The following RNU12 variants were observed in gnomAD, a reference collection of about 807,000 sequenced individuals.
RNU12 encodes RNA, U12 small nuclear, also known as RNA, U12 small nuclear 1.
exon 1 of RNU12, chr22:42,615,363 T>C (rs1038921841): frequency 2.5e-5 from 4 of 157,278 alleles, no homozygotes; most frequent in African/African-American, 7.2e-5. Context: ...CCGCCTACTT[T>C]GCGGGATGCC....
chr22:42,615,352 C>T (rs189335696), exon 1 of RNU12: 51 of 158,504 alleles, frequency 3.2e-4, no homozygotes, highest in African/African-American at 4.6e-4. Flanking sequence ...CTCAAGGTGA[C>T]CCGCCTACTT....
chr22:42,615,297 C>A (rs549604353), exon 1 of RNU12: 1 of 205,200 alleles, frequency 4.9e-6, no homozygotes, highest in South Asian at 5.5e-5. Context: ...CGCCCGAATC[C>A]TCACTGCTAA....
rs371767313 is a variant in RNU12 at position 42,615,350 on chromosome 22, G to A, written n.107G>A. The A allele has an allele frequency of 1.1e-4, 17 of 159,504 alleles. No individual in the cohort carries two copies. In the East Asian group the frequency reaches 1.1e-3, roughly 11 times the overall value. The allele number at this position is 159,504 out of a possible 1,614,324, so 9.9% of individuals were successfully genotyped here. On this transcript the variant is annotated non_coding_transcript_exon_variant, in exon 1 of 1. Transcript: ENST00000362512. ...AGCGGGTAAAGGTCGCCCTCAAGGT[G>A]ACCCGCCTACTTTGCGGGATGCCTG...
chr22:42,615,298 T>A (rs1487875590), exon 1 of RNU12: 1 of 204,650 alleles, frequency 4.9e-6, no homozygotes, highest in Non-Finnish European at 1.0e-5. Flanking sequence ...GCCCGAATCC[T>A]CACTGCTAAT....
exon 1 of RNU12, chr22:42,615,369 A>T (rs550054770): frequency 1.3e-5 from 2 of 157,128 alleles, no homozygotes; most frequent in Admixed American, 6.5e-5. Flanking sequence ...ACTTTGCGGG[A>T]TGCCTGGGAG....
At chr22:42,615,381 T>G (rs1203292916) in exon 1 of RNU12, 1 of 156,990 alleles carries the variant, frequency 6.4e-6, no homozygotes, top group Non-Finnish European at 1.4e-5. Flanking sequence ...GCCTGGGAGT[T>G]GCGATCTGCC....
exon 1 of RNU12, chr22:42,615,291 C>CT (rs1230547704): frequency 5.4e-5 from 11 of 202,918 alleles, no homozygotes; most frequent in Non-Finnish European, 1.0e-5. Context: ...GGGTGACGCC[C>CT]GAATCCTCAC....
At chr22:42,615,248 C>T (rs755570010) in exon 1 of RNU12, 8 of 232,734 alleles carry the variant, frequency 3.4e-5, no homozygotes, top group African/African-American at 4.7e-5. Context: ...GTCCTTATGC[C>T]TTAAACTTAT....
At chr22:42,615,300 A>C (rs545886193) in exon 1 of RNU12, 7 of 193,784 alleles carry the variant, frequency 3.6e-5, no homozygotes, top group South Asian at 1.3e-4. Context: ...CCGAATCCTC[A>C]CTGCTAATGT....
chr22:42,615,299 C>T (rs189449022), exon 1 of RNU12: 48 of 203,882 alleles, frequency 2.4e-4, no homozygotes, highest in African/African-American at 8.4e-4. Context: ...CCCGAATCCT[C>T]ACTGCTAATG....
chr22:42,615,246 G>A (rs754377739), exon 1 of RNU12: 15 of 231,712 alleles, frequency 6.5e-5, no homozygotes, highest in Admixed American at 1.7e-4. Flanking sequence ...ACGTCCTTAT[G>A]CCTTAAACTT....
At chr22:42,615,287 C>T (rs184988997) in exon 1 of RNU12, 206 of 203,552 alleles carry the variant, frequency 1.0e-3, no homozygotes, top group African/African-American at 1.5e-3. Context: ...TTCGGGGTGA[C>T]GCCCGAATCC....
exon 1 of RNU12, chr22:42,615,348 G>A (rs780532355): frequency 2.9e-4 from 46 of 160,636 alleles, no homozygotes; most frequent in Admixed American, 4.5e-4. Context: ...CGCCCTCAAG[G>A]TGACCCGCCT....
chr22:42,615,338 C>T (rs565498114), exon 1 of RNU12: 80 of 168,344 alleles, frequency 4.8e-4, no homozygotes, highest in Middle Eastern at 3.0e-3. Context: ...GGGTAAAGGT[C>T]GCCCTCAAGG....
chr22:42,615,279 CG>C (rs778849559), exon 1 of RNU12: 6 of 200,066 alleles, frequency 3.0e-5, no homozygotes, highest in African/African-American at 1.4e-4. Context: ...AATAACGATT[CG>C]GGGTGACGCC....
In RNU12 at chr22:42,615,291, C is replaced by T. The variant is rs537872050; in HGVS notation, n.48C>T. 194 of 203,032 alleles carry T rather than the reference C, an allele frequency of 9.6e-4. 1 individual carries two copies. Among genetic ancestry groups the T allele is most frequent in the Middle Eastern group, 2.3e-3 (1 of 440 alleles). 12.6% of individuals were successfully genotyped at this position (203,032 alleles called of 1,614,324 possible). ...GAAAATAACGATTCGGGGTGACGCC[C>T]GAATCCTCACTGCTAATGTGAGACG... On this transcript the variant is annotated non_coding_transcript_exon_variant, in exon 1 of 1. Transcript: ENST00000362512.
At chr22:42,615,353 C>A (rs546400826) in exon 1 of RNU12, 3 of 158,038 alleles carry the variant, frequency 1.9e-5, no homozygotes, top group Non-Finnish European at 4.2e-5. Context: ...TCAAGGTGAC[C>A]CGCCTACTTT....
chr22:42,615,354 C>CG (rs1927458602), exon 1 of RNU12: 1 of 157,652 alleles, frequency 6.3e-6, no homozygotes, highest in African/African-American at 2.4e-5. Context: ...CAAGGTGACC[C>CG]GCCTACTTTG....
At chr22:42,615,313 G>A (rs1020123324) in exon 1 of RNU12, 21 of 178,592 alleles carry the variant, frequency 1.2e-4, no homozygotes, top group South Asian at 4.9e-4. Flanking sequence ...GCTAATGTGA[G>A]ACGAATTTTT....
Sources: allele counts gnomAD v4.1 joint callset, GRCh38; gene constraint gnomAD v4.1.1; transcripts MANE v1.5; gene names NCBI Gene and HGNC (gene_info 2026-07-23, HGNC 2026-07-21).